The following SMPD3 variants were observed in gnomAD, a reference collection of about 807,000 sequenced individuals.
SMPD3 encodes the protein nSMase-2.
SMPD3 carries 21 observed loss-of-function variants against 55.7 expected under a neutral mutation model. The ratio of observed to expected loss-of-function variants is 0.38; its 90% CI spans 0.27 to 0.54. The LOEUF is 0.54. Among genes scored for constraint, SMPD3 ranks in the 20% least tolerant of loss-of-function variants. The pLI, the probability that SMPD3 is intolerant of heterozygous loss-of-function variation, is 0.80. For missense variants in SMPD3, 842 were observed against 899.6 expected, an observed-to-expected ratio of 0.94 and a Z score of 0.82; for synonymous variants, 457 against 404.3, an observed-to-expected ratio of 1.13 and a Z score of -1.56.
chr16:68,361,790 CCCATGCCCGCCCCTGTGGGCCT>C (rs1567774574), intron 7 of SMPD3, 31 bp from the exon 8 acceptor site: 3 of 1,605,362 alleles, frequency 1.9e-6, no homozygotes, highest in Non-Finnish European at 2.5e-6. Context: ...CAGGTGGGCC[CCCATGCCCGCCCCTGTGGGCCT>C]GGCAGGGGCT....
chr16:68,427,217 CG>C (rs1347869624), intron 1 of SMPD3, among the ~76,000 whole-genome samples: 1 of 152,010 alleles, frequency 6.6e-6, no homozygotes, highest in East Asian at 1.9e-4. Context: ...TGGCCAGGCT[CG>C]TCTCAAACTC....
chr16:68,405,078 C>T (rs73555299), intron 1 of SMPD3, among the ~76,000 whole-genome samples: 262 of 152,276 alleles, frequency 1.7e-3, no homozygotes, highest in African/African-American at 5.6e-3. Flanking sequence ...GGACCTATAG[C>T]TTTTGGGACT....
chr16:68,439,732 G>A (rs2090551770), intron 1 of SMPD3, among the ~76,000 whole-genome samples: 2 of 152,160 alleles, frequency 1.3e-5, no homozygotes, highest in African/African-American at 2.4e-5. Context: ...CCTCCAGAAG[G>A]CAAACTTTTG....
At chr16:68,372,562 C>A (rs868118885) in intron 2 of SMPD3, among the ~76,000 whole-genome samples, 175 bp from the exon 3 acceptor site, 1 of 152,250 alleles carries the variant, frequency 6.6e-6, no homozygotes, top group South Asian at 2.1e-4. Context: ...AGCCCCCGCA[C>A]ACCGCTTCCT....
intron 1 of SMPD3, among the ~76,000 whole-genome samples, chr16:68,400,015 T>C (rs1260440799): frequency 6.6e-6 from 1 of 152,160 alleles, no homozygotes; most frequent in Admixed American, 6.5e-5. Flanking sequence ...GTAGTCACCA[T>C]TTTACAGATG....
At chr16:68,399,397 T>C (rs1204497329) in intron 1 of SMPD3, among the ~76,000 whole-genome samples, 1 of 152,210 alleles carries the variant, frequency 6.6e-6, no homozygotes, top group African/African-American at 2.4e-5. Context: ...CTCACCACTG[T>C]GCTTCGTTTA....
chr16:68,421,531 C>T (rs982613026), intron 1 of SMPD3, among the ~76,000 whole-genome samples: 4 of 152,200 alleles, frequency 2.6e-5, no homozygotes, highest in Non-Finnish European at 4.4e-5. Flanking sequence ...TTATGACCAA[C>T]CTGGCAGTGT....
At position 68,404,620 on chromosome 16, in the gene SMPD3, G is replaced by A. The variant is rs1190783086; in HGVS notation, c.-268-17961C>T. On this transcript the variant is annotated intron_variant, in intron 1 of 8. Transcript: ENST00000219334. This position sits in a 1 kb window ranked among gnomAD's most constrained non-coding sequence, Gnocchi z 4.0. ...GAAGCAGGTCTGAAGGGACTTGTCA[G>A]GGGTTCCCCAGGTAGGAAATAGGGG... 6.6e-6 allele frequency among the ~76,000 whole-genome samples: 1 copy of A among 152,182 alleles called. No homozygotes were observed. The highest frequency in any genetic ancestry group is 1.5e-5 in the Non-Finnish European group (1 of 68,042).
At chr16:68,427,651 C>G (rs2090446532) in intron 1 of SMPD3, among the ~76,000 whole-genome samples, 1 of 151,954 alleles carries the variant, frequency 6.6e-6, no homozygotes, top group Non-Finnish European at 1.5e-5. Flanking sequence ...ACAGCACAAC[C>G]CTAGTGCTAT....
rs2089276197 is a variant in SMPD3 at position 68,361,680 on chromosome 16, C to T, written c.1789G>A (p.Glu597Lys). 1.2e-6 allele frequency: 2 copies of T among 1,612,792 alleles called. No individual in the cohort carries two copies. Among genetic ancestry groups the T allele is most frequent in the Non-Finnish European group, 1.7e-6 (2 of 1,179,862 alleles). ...CGCCGGCCGTTGCCCTTCAGCAGCT[C>T]CTTCCGCCCCTTCTGGCCCGAGCTC... is the stretch of plus-strand genomic sequence containing the variant. ...SKSSGQKGRK[E>K]LLKGNGRRID... The change falls in exon 8 of 9, where the codon GAG becomes AAG. Residue 597 changes from glutamate to lysine, a missense_variant. Physicochemically the swap from Glu to Lys is moderately conservative, Grantham distance 56 (BLOSUM62 1). Coordinates refer to ENST00000219334, the MANE Select transcript of SMPD3 (RefSeq NM_018667.4).
intron 2 of SMPD3, among the ~76,000 whole-genome samples, chr16:68,373,205 T>C (rs1410907848): frequency 6.6e-6 from 1 of 152,194 alleles, no homozygotes; most frequent in Non-Finnish European, 1.5e-5. Context: ...TACTCCAAGA[T>C]GCAGCCCAGT....
intron 1 of SMPD3, among the ~76,000 whole-genome samples, chr16:68,430,545 T>C (rs1375972840): frequency 6.6e-6 from 1 of 152,196 alleles, no homozygotes; most frequent in Non-Finnish European, 1.5e-5. Context: ...TCTGGCTCCT[T>C]ACCCTTCATT....
Position 68,359,940 on chromosome 16 carries a change from C to A in SMPD3, c.*1266G>T, listed in dbSNP as rs769541537. 6.6e-6 allele frequency: 1 copy of A among 152,532 alleles called. No individual in the cohort carries two copies. Among genetic ancestry groups the A allele is most frequent in the Non-Finnish European group, 1.5e-5 (1 of 68,188 alleles). The allele number at this position is 152,532 out of a possible 1,614,324, so 9.4% of individuals were successfully genotyped here. A position where few individuals can be genotyped will look rare whatever the true frequency, so the allele number is the denominator to read the frequency against. On this transcript the variant is annotated 3_prime_UTR_variant, in exon 9 of 9. Coordinates refer to ENST00000219334, the MANE Select transcript of SMPD3 (RefSeq NM_018667.4). Reference sequence around the variant, plus strand: ...AGCTCTGCCATGCTGAACTTGGGTGCCAGTACCACACCCTGCCCTGGGCAT... The same window carrying A: ...AGCTCTGCCATGCTGAACTTGGGTGACAGTACCACACCCTGCCCTGGGCAT...
At position 68,372,323 on chromosome 16, in the gene SMPD3, T is replaced by A; in HGVS notation, c.-142A>T. The A allele has an allele frequency of 9.3e-7, 1 of 1,072,510 alleles. No individual in the cohort carries two copies. Among genetic ancestry groups the A allele is most frequent in the Non-Finnish European group, 1.4e-6 (1 of 740,052 alleles). 66.4% of individuals were successfully genotyped at this position (1,072,510 alleles called of 1,614,324 possible). A position where few individuals can be genotyped will look rare whatever the true frequency, so the allele number is the denominator to read the frequency against. On this transcript the variant is annotated 5_prime_UTR_variant, in exon 3 of 9. Transcript: ENST00000219334. ...GCGAGATGCAACTCCGGCTGGTCAA[T>A]GGCGAATGTTGGCCAGCCGGTCATG...
chr16:68,427,612 TTACACATTGC>T (rs1225455885), intron 1 of SMPD3, among the ~76,000 whole-genome samples: 1 of 152,214 alleles, frequency 6.6e-6, no homozygotes, highest in Non-Finnish European at 1.5e-5. Context: ...ATTTAAATAG[TTACACATTGC>T]TAGAGGCTCC....
chr16:68,359,101 G>C lies in SMPD3; in HGVS notation c.*2105C>G, dbSNP rs924414918. On this transcript the variant is annotated 3_prime_UTR_variant, in exon 9 of 9. Coordinates refer to ENST00000219334, the MANE Select transcript of SMPD3 (RefSeq NM_018667.4). ...GACTCCCACGCCTGCTGCCCCGGGA[G>C]GGGGTGCCTGGGTGGGGAAGCTATG... is the stretch of plus-strand genomic sequence containing the variant. 1 of 152,590 alleles carries C rather than the reference G, an allele frequency of 6.6e-6. No homozygotes were observed. Among genetic ancestry groups the C allele is most frequent in the Non-Finnish European group, 1.5e-5 (1 of 68,126 alleles). 9.5% of individuals were successfully genotyped at this position (152,590 alleles called of 1,614,324 possible). A position where few individuals can be genotyped will look rare whatever the true frequency, so the allele number is the denominator to read the frequency against.
At chr16:68,429,222 G>A (rs557435825) in intron 1 of SMPD3, among the ~76,000 whole-genome samples, 1 of 152,232 alleles carries the variant, frequency 6.6e-6, no homozygotes, top group Non-Finnish European at 1.5e-5. Flanking sequence ...TTTCTTGCTG[G>A]ATACAGTGGG....
At chr16:68,446,751 G>A (rs1041393030) in intron 1 of SMPD3, among the ~76,000 whole-genome samples, 2 of 152,120 alleles carry the variant, frequency 1.3e-5, no homozygotes, top group African/African-American at 4.8e-5. Context: ...GCCCACTCAC[G>A]CCCTGTGAAC....
At chr16:68,389,977 G>A (rs560990405) in intron 1 of SMPD3, among the ~76,000 whole-genome samples, 1 of 152,352 alleles carries the variant, frequency 6.6e-6, no homozygotes, top group African/African-American at 2.4e-5. Flanking sequence ...TGACAGAGCA[G>A]CCCAGAGGGT....
Sources: allele counts gnomAD v4.1 joint callset (sites outside exome capture counted in the v4.1 genomes callset), GRCh38; gene constraint gnomAD v4.1.1; non-coding constraint Gnocchi (gnomAD v3.1); transcripts MANE v1.5; gene names NCBI Gene and HGNC (gene_info 2026-07-23, HGNC 2026-07-21).